Variants in TMEM233 observed in about 807,000 individuals in gnomAD.
TMEM233 encodes transmembrane protein 233.
In TMEM233, 6 loss-of-function variants were observed where a neutral mutation model predicts 11.2. The ratio of observed to expected loss-of-function variants is 0.54; its 90% CI spans 0.29 to 1.06. The LOEUF (loss-of-function observed/expected upper bound fraction) is 1.06, where lower values mean the gene tolerates loss of function less well. Ranked by LOEUF, TMEM233 falls within the 50% of genes least tolerant of loss-of-function variation. TMEM233 has a pLI of 0.08. For synonymous variants in TMEM233, 59 were observed against 55.8 expected (o/e 1.06, Z -0.26); for missense variants, 127 against 144.7 (o/e 0.88, Z 0.63).
chr12:119,604,390 T>C (rs570283383), intron 1 of TMEM233, among the ~76,000 whole-genome samples: 6 of 152,342 alleles, frequency 3.9e-5, no homozygotes, highest in Non-Finnish European at 5.9e-5. Flanking sequence ...TGGAATAATA[T>C]AGTATGGGGC....
chr12:119,596,233 C>G (rs12582735), intron 1 of TMEM233, among the ~76,000 whole-genome samples: 57,049 of 151,998 alleles, frequency 0.38, 12,017 homozygotes, highest in East Asian at 0.56. Context: ...TTCTATCCTG[C>G]TTTATTAATG....
the TMEM233 span, among the ~76,000 whole-genome samples, chr12:119,652,529 T>G: frequency 6.6e-5 from 10 of 152,308 alleles, no homozygotes; most frequent in East Asian, 1.9e-3. Context: ...CCAGTCTGCA[T>G]AGCACACAGA....
intron 2 of TMEM233, chr12:119,634,264 A>G: frequency 1.0e-6 from 1 of 985,384 alleles, no homozygotes; most frequent in Non-Finnish European, 1.2e-6. Flanking sequence ...CGAAGCCTGA[A>G]GATGAGCCCA....
At position 119,642,459 on chromosome 12, in the gene TMEM233, AAAAGAAAACG is replaced by A. The variant is rs1446363578; in HGVS notation, c.*1763_*1772del. ...CAAGACTCCATCTCAAAAAAAAAAG[AAAAGAAAACG>A]AAAGAAAAAGAAAAAAGAAAGGCAG... On this transcript the variant is annotated 3_prime_UTR_variant, in exon 3 of 3. Transcript: ENST00000426426. The A allele has an allele frequency of 6.6e-6, 1 of 152,158 alleles. No individual in the cohort carries two copies. Among genetic ancestry groups the A allele is most frequent in the African/African-American group, 2.4e-5 (1 of 41,430 alleles). The allele number at this position is 152,158 out of a possible 1,614,324, so 9.4% of individuals were successfully genotyped here.
chr12:119,627,598 AGTGAGAACTCATTACTGCAGG>A (rs1483683180), intron 1 of TMEM233, among the ~76,000 whole-genome samples: 2 of 152,190 alleles, frequency 1.3e-5, no homozygotes, highest in South Asian at 4.1e-4. Flanking sequence ...GAACTAACAG[AGTGAGAACTCATTACTGCAGG>A]GAGGGCACCA....
chr12:119,653,219 C>T, the TMEM233 span, among the ~76,000 whole-genome samples: 413 of 151,664 alleles, frequency 2.7e-3, 1 homozygote, highest in Admixed American at 4.9e-3. Context: ...GGAGAAACCC[C>T]GTCTCTATCA....
At chr12:119,634,155 G>A (rs1168078530) in intron 2 of TMEM233, 3 of 600,690 alleles carry the variant, frequency 5.0e-6, no homozygotes, top group Non-Finnish European at 6.3e-6. Context: ...ATGCTAGGGA[G>A]GGGAATGAAG....
At chr12:119,618,305 G>A (rs943678970) in intron 1 of TMEM233, among the ~76,000 whole-genome samples, 1 of 152,244 alleles carries the variant, frequency 6.6e-6, no homozygotes, top group South Asian at 2.1e-4. Context: ...GAAAACCTCT[G>A]CTAGGGAAGT....
intron 1 of TMEM233, among the ~76,000 whole-genome samples, chr12:119,597,308 A>G (rs912414383): frequency 1.1e-4 from 17 of 152,222 alleles, no homozygotes; most frequent in African/African-American, 3.6e-4. Flanking sequence ...CCGAAGTACT[A>G]ATGTCTGCCA....
Position 119,594,194 on chromosome 12 carries a change from C to T in TMEM233, c.186+160C>T. 1.5e-6 allele frequency: 1 copy of T among 681,232 alleles called. No individual in the cohort carries two copies. Among genetic ancestry groups the T allele is most frequent in the Non-Finnish European group, 2.5e-6 (1 of 407,446 alleles). 42.2% of individuals were successfully genotyped at this position (681,232 alleles called of 1,614,324 possible). A position where few individuals can be genotyped will look rare whatever the true frequency, so the allele number is the denominator to read the frequency against. On this transcript the variant is annotated intron_variant, in intron 1 of 2. Coordinates refer to ENST00000426426, the MANE Select transcript of TMEM233 (RefSeq NM_001136534.3). This position sits in a 1 kb window ranked among gnomAD's most constrained non-coding sequence, Gnocchi z 5.6. ...ACCTCCTCCTCACCTTTCTCGGGCT[C>T]TCAGAGCTCTCCCCGCAATCATCAG...
chr12:119,634,888 G>A (rs918568270), intron 2 of TMEM233, among the ~76,000 whole-genome samples: 3 of 152,176 alleles, frequency 2.0e-5, no homozygotes, highest in Non-Finnish European at 4.4e-5. Flanking sequence ...ATGGTGGCTG[G>A]GGCAATGAAA....
intron 2 of TMEM233, 48 bp from the exon 3 acceptor site, chr12:119,640,651 A>G (rs1385046735): frequency 6.5e-7 from 1 of 1,547,198 alleles, no homozygotes; most frequent in African/African-American, 1.4e-5. Flanking sequence ...CAACCACAGA[A>G]GCTCAGCCCA....
At chr12:119,653,186 G>A in the TMEM233 span, among the ~76,000 whole-genome samples, 1 of 151,956 alleles carries the variant, frequency 6.6e-6, no homozygotes, top group African/African-American at 2.4e-5. Flanking sequence ...GAGGTCAGGA[G>A]ATGGAGACCA....
Position 119,642,980 on chromosome 12 carries a change from T to C in TMEM233, c.*2275T>C, listed in dbSNP as rs1955106646. 1 of 152,208 alleles carries C rather than the reference T, an allele frequency of 6.6e-6. No individual in the cohort carries two copies. The highest frequency in any genetic ancestry group is 2.1e-4 in the South Asian group (1 of 4,828). The allele number at this position is 152,208 out of a possible 1,614,324, so 9.4% of individuals were successfully genotyped here. A position where few individuals can be genotyped will look rare whatever the true frequency, so the allele number is the denominator to read the frequency against. On this transcript the variant is annotated 3_prime_UTR_variant, in exon 3 of 3. Transcript: ENST00000426426. ...TTTCTGTTTCTGACATCCTGTTTTT[T>C]GTTTGTGCGTGTTTGGGTCCCTGGT... is the stretch of plus-strand genomic sequence containing the variant.
Position 119,594,068 on chromosome 12 carries a change from G to A in TMEM233, c.186+34G>A. On this transcript the variant is annotated intron_variant, in intron 1 of 2. Transcript: ENST00000426426. This position sits in a 1 kb window ranked among gnomAD's most constrained non-coding sequence, Gnocchi z 5.6. ...ATCACGGCCAGAGGCAGCCTGGGAG[G>A]AGAGACCCGGGCGGCTTTGAGCCCC... 3 of 1,547,148 alleles carry A rather than the reference G, an allele frequency of 1.9e-6. No individual in the cohort carries two copies. Among genetic ancestry groups the A allele is most frequent in the Non-Finnish European group, 2.6e-6 (3 of 1,144,320 alleles).
intron 1 of TMEM233, among the ~76,000 whole-genome samples, chr12:119,616,211 C>A (rs1954528378): frequency 6.6e-6 from 1 of 152,118 alleles, no homozygotes; most frequent in Non-Finnish European, 1.5e-5. Context: ...TGAGCCTAGG[C>A]CCAGAGCAAA....
At chr12:119,598,484 G>GGT (rs759794803) in intron 1 of TMEM233, among the ~76,000 whole-genome samples, 11 of 152,162 alleles carry the variant, frequency 7.2e-5, no homozygotes, top group Admixed American at 4.6e-4. Flanking sequence ...CCTACCAATA[G>GGT]GTGTGTGGGG....
chr12:119,613,967 G>A (rs907974277), intron 1 of TMEM233, among the ~76,000 whole-genome samples: 28 of 151,954 alleles, frequency 1.8e-4, no homozygotes, highest in African/African-American at 4.6e-4. Context: ...GGCAGGAAAC[G>A]GGGAGACAGT....
In TMEM233 at chr12:119,623,420, C is replaced by A. The variant is rs945770264; in HGVS notation, c.187-6316C>A. ...GAATTTAGGGTTCTAATATTCTATG[C>A]AGTGATTTTGATTGTAAAGCCTCTA... On this transcript the variant is annotated intron_variant, in intron 1 of 2. Transcript: ENST00000426426. Among the ~76,000 whole-genome samples the A allele has an allele frequency of 2.8e-4, 43 of 152,000 alleles. 1 individual carries two copies. Among genetic ancestry groups the A allele is most frequent in the Admixed American group, 9.8e-4 (15 of 15,252 alleles).
Sources: gnomAD v4.1 joint callset for allele counts (sites outside exome capture counted in the v4.1 genomes callset) on GRCh38, gnomAD v4.1.1 for gene constraint, Gnocchi (gnomAD v3.1) non-coding constraint, MANE v1.5 for transcripts, NCBI Gene and HGNC (gene_info 2026-07-23, HGNC 2026-07-21) for gene names.